CORO2A: variants seen among roughly 807,000 people sequenced by gnomAD.
The protein encoded by CORO2A is coronin-2A.
A neutral mutation model predicts 62.4 loss-of-function variants in CORO2A; 47 were observed. The ratio of observed to expected loss-of-function variants is 0.75; its 90% confidence interval spans 0.60 to 0.96. The LOEUF (loss-of-function observed/expected upper bound fraction) is 0.96. Ranked by LOEUF, CORO2A falls within the 40% of genes least tolerant of loss-of-function variation. CORO2A has a pLI of 0.00. For missense variants in CORO2A, 610 were observed against 684.1 expected, an observed-to-expected ratio of 0.89 and a Z score of 1.21; for synonymous variants, 273 against 268.9, an observed-to-expected ratio of 1.02 and a Z score of -0.15.
At chr9:98,189,585 TC>T (rs959637226) in intron 1 of CORO2A, among the ~76,000 whole-genome samples, 1 of 152,130 alleles carries the variant, frequency 6.6e-6, no homozygotes, top group African/African-American at 2.4e-5. Context: ...CTGTCAGAGC[TC>T]AAACAAATTC....
intron 2 of CORO2A, among the ~76,000 whole-genome samples, chr9:98,152,107 G>A (rs887029519): frequency 4.0e-5 from 6 of 149,096 alleles, no homozygotes; most frequent in African/African-American, 1.5e-4. Context: ...ATGAGCCACT[G>A]CACCCGGCCT....
chr9:98,169,043 CT>C (rs575212747), intron 1 of CORO2A, among the ~76,000 whole-genome samples: 131 of 152,296 alleles, frequency 8.6e-4, no homozygotes, highest in African/African-American at 3.0e-3. Context: ...AAGCCCTTTG[CT>C]TTTTCTCCAT....
At chr9:98,130,812 G>T in intron 7 of CORO2A, 143 bp downstream of exon 7, 2 of 647,142 alleles carry the variant, frequency 3.1e-6, no homozygotes, top group Non-Finnish European at 5.4e-6. Flanking sequence ...GGAGCCAGGA[G>T]GGTGGGAGGG....
chr9:98,169,138 C>CG (rs886243816), intron 1 of CORO2A, among the ~76,000 whole-genome samples: 8 of 151,938 alleles, frequency 5.3e-5, no homozygotes, highest in Non-Finnish European at 7.4e-5. Flanking sequence ...AGGCAGAAGC[C>CG]GTCTGCAGCC....
At chr9:98,163,730 A>ATGTGTG (rs368890494) in intron 1 of CORO2A, among the ~76,000 whole-genome samples, 224 of 135,880 alleles carry the variant, frequency 1.6e-3, no homozygotes, top group East Asian at 0.013. Flanking sequence ...GTGTGTGTGT[A>ATGTGTG]TGTGTGTGTG....
intron 2 of CORO2A, among the ~76,000 whole-genome samples, chr9:98,151,009 AGCT>A (rs544242005): frequency 5.4e-4 from 83 of 152,338 alleles, no homozygotes; most frequent in African/African-American, 1.8e-3. Context: ...CTGGCCAGAC[AGCT>A]GCTCTCTGCA....
At chr9:98,148,704 A>G (rs191394215) in intron 2 of CORO2A, among the ~76,000 whole-genome samples, 12 of 152,118 alleles carry the variant, frequency 7.9e-5, no homozygotes, top group Admixed American at 1.3e-4. Flanking sequence ...GTGAGATATG[A>G]TCATGCCACT....
Position 98,131,020 on chromosome 9 carries a change from C to G in CORO2A, c.805G>C (p.Gly269Arg). 1 of 1,613,852 alleles carries G rather than the reference C, an allele frequency of 6.2e-7. No homozygotes were observed. Among genetic ancestry groups the G allele is most frequent in the Non-Finnish European group, 8.5e-7 (1 of 1,179,910 alleles). Residue 269 changes from glycine (G) to arginine (R), a missense_variant, in exon 7 of 12, where the codon GGC (glycine) becomes CGC (arginine). Transcript: ENST00000375077. Reference sequence around the variant, plus strand: ...AAGGGAAACAGCACGCCCGAGGAGCCGTCCAGGTCCTCCTCCATCAGAGGC... The same window carrying G: ...AAGGGAAACAGCACGCCCGAGGAGCGGTCCAGGTCCTCCTCCATCAGAGGC... ...SVPLMEEDLDGSSGVLFPFYD... is the reference protein window; with the variant it reads ...SVPLMEEDLDRSSGVLFPFYD...
chr9:98,172,491 C>T (rs1828052136), intron 1 of CORO2A: 1 of 141,978 alleles, frequency 7.0e-6, no homozygotes, highest in Non-Finnish European at 1.5e-5. Context: ...CCACACCCCA[C>T]TTCCAAGCTC....
rs116332234 is a variant in CORO2A at position 98,148,902 on chromosome 9, C to T, written c.201+8558G>A. On this transcript the variant is annotated intron_variant, in intron 2 of 11. Coordinates refer to ENST00000375077, the MANE Select transcript of CORO2A (RefSeq NM_052820.4). The stretch of plus-strand genomic sequence containing the variant: ...AAAAAAAGCCAAGCTGAAAAGGTTA[C>T]ATATTGTATGATTCCATTTATGTAA... Among the ~76,000 whole-genome samples, 545 of 152,106 alleles carry T rather than the reference C, an allele frequency of 3.6e-3. 2 individuals are homozygous for T. Among genetic ancestry groups the T allele is most frequent in the African/African-American group, 0.013 (521 of 41,474 alleles).
Position 98,157,585 on chromosome 9 carries a change from A to G in CORO2A, c.76T>C (p.Tyr26His). The G allele has an allele frequency of 6.2e-7, 1 of 1,614,158 alleles. No individual in the cohort carries two copies. The highest frequency in any genetic ancestry group is 8.5e-7 in the Non-Finnish European group (1 of 1,179,996). The stretch of plus-strand genomic sequence containing the variant: ...CTGCGGGTGATAGGCACGGAGTCGT[A>G]GCAGTTCTCCTTGCTGGCTGGTTTG... Reference protein sequence around the residue: ...FGKPASKENCYDSVPITRSVH... With the variant: ...FGKPASKENCHDSVPITRSVH... Residue 26 changes from tyrosine to histidine, a missense_variant, in exon 2 of 12, where the codon TAC becomes CAC. Physicochemically the swap from Tyr to His is moderately conservative, Grantham distance 83. Transcript: ENST00000375077.
chr9:98,127,549 C>A (rs1300449918), intron 10 of CORO2A, among the ~76,000 whole-genome samples: 1 of 152,154 alleles, frequency 6.6e-6, no homozygotes, highest in Non-Finnish European at 1.5e-5. Flanking sequence ...CAGTGGCTCG[C>A]ACCTGTAATC....
chr9:98,192,283 G>C (rs1445180070), intron 1 of CORO2A, among the ~76,000 whole-genome samples: 7 of 152,226 alleles, frequency 4.6e-5, no homozygotes, highest in African/African-American at 1.4e-4. Context: ...TGAGGGCAGC[G>C]AGCCGTCGGG....
rs1827255321 is a variant in CORO2A, at chr9:98,122,405, C to G, written c.*2369G>C. On this transcript the variant is annotated 3_prime_UTR_variant, in exon 12 of 12. Transcript: ENST00000375077. ...ACAGCTTGGGTTGAAACCTACCAGA[C>G]TAGGTGGCCTCCTGCAGTCCCCACC... 3 of 152,332 alleles carry G rather than the reference C, an allele frequency of 2.0e-5. No individual in the cohort carries two copies. The South Asian group carries it at 6.2e-4, about 32-fold the overall frequency. 9.4% of individuals were successfully genotyped at this position (152,332 alleles called of 1,614,324 possible). A position where few individuals can be genotyped will look rare whatever the true frequency, so the allele number is the denominator to read the frequency against.
intron 1 of CORO2A, among the ~76,000 whole-genome samples, chr9:98,158,011 G>T (rs1827830920): frequency 6.6e-6 from 1 of 152,180 alleles, no homozygotes; most frequent in Non-Finnish European, 1.5e-5. Flanking sequence ...AGTACCCTCA[G>T]CCCGACTAAG....
chr9:98,129,695 C>A (rs1827376816), intron 8 of CORO2A, 99 bp downstream of exon 8: 1 of 873,720 alleles, frequency 1.1e-6, no homozygotes, highest in Admixed American at 1.8e-5. Context: ...TCATCCCTGT[C>A]TCCCCAGACC....
At chr9:98,134,651 G>A (rs1827458854) in intron 4 of CORO2A, among the ~76,000 whole-genome samples, 155 bp downstream of exon 4, 1 of 152,176 alleles carries the variant, frequency 6.6e-6, no homozygotes, top group Non-Finnish European at 1.5e-5. Flanking sequence ...AGGCATGGAA[G>A]GATTCTTCCC....
At chr9:98,178,757 T>C (rs1175471430) in intron 1 of CORO2A, among the ~76,000 whole-genome samples, 1 of 152,174 alleles carries the variant, frequency 6.6e-6, no homozygotes, top group African/African-American at 2.4e-5. Context: ...GTTTAGATAT[T>C]TTTTCCTGCA....
chr9:98,130,292 GC>G (rs1827386877), intron 7 of CORO2A, among the ~76,000 whole-genome samples: 1 of 152,032 alleles, frequency 6.6e-6, no homozygotes, highest in African/African-American at 2.4e-5. Flanking sequence ...TCACTATGCT[GC>G]CCAGGCTGGC....
Sources: gnomAD v4.1 joint callset for allele counts (sites outside exome capture counted in the v4.1 genomes callset) on GRCh38, gnomAD v4.1.1 for gene constraint, MANE v1.5 for transcripts, NCBI Gene and HGNC (gene_info 2026-07-23, HGNC 2026-07-21) for gene names.